Variants in UPK1A observed in about 807,000 individuals in gnomAD.
UPK1A encodes uroplakin 1A, also known as uroplakin-1a.
In UPK1A, 31 loss-of-function variants were observed where a neutral mutation model predicts 32.3. The ratio of observed to expected loss-of-function variants is 0.96; its 90% CI spans 0.72 to 1.30. The LOEUF (loss-of-function observed/expected upper bound fraction) is 1.30, where lower values mean the gene tolerates loss of function less well. Ranked by LOEUF, UPK1A falls within the 50% of genes most tolerant of loss-of-function variation. UPK1A has a pLI of 0.00. For synonymous variants in UPK1A, 135 were observed against 137.1 expected (o/e 0.98, Z 0.11); for missense variants, 340 against 357.4 (o/e 0.95, Z 0.39).
At chr19:35,668,323 G>A (rs745467200) in intron 2 of UPK1A, 131 bp from the exon 3 acceptor site, 6 of 1,088,244 alleles carry the variant, frequency 5.5e-6, no homozygotes, top group African/African-American at 3.1e-5. Flanking sequence ...GCTCATGGAA[G>A]GCGAGGTCTT....
In UPK1A at chr19:35,677,955, T is replaced by C; in HGVS notation, c.733-20T>C. The stretch of plus-strand genomic sequence containing the variant: ...GGGGGTGGGGGGCGGAGTGCCCTCA[T>C]CTCGCTGCCTCCTCGCCAGCTCCCG... On this transcript the variant is annotated intron_variant, in intron 7 of 7. Coordinates refer to ENST00000617999, the Ensembl canonical transcript of UPK1A. The C allele has an allele frequency of 6.3e-7, 1 of 1,590,988 alleles. No homozygotes were observed. Among genetic ancestry groups the C allele is most frequent in the Admixed American group, 1.8e-5 (1 of 56,408 alleles).
exon 8 of UPK1A, chr19:35,678,265 A>C: frequency 2.4e-6 from 1 of 416,386 alleles, no homozygotes; most frequent in Non-Finnish European, 4.3e-6. Context: ...CCATGATCCC[A>C]CCTCCCATTC....
intron 5 of UPK1A, among the ~76,000 whole-genome samples, 200 bp downstream of exon 5, chr19:35,673,745 G>T (rs1968139807): frequency 6.6e-6 from 1 of 152,156 alleles, no homozygotes; most frequent in South Asian, 2.1e-4. Context: ...CTTGCCCGAG[G>T]CCACACAGTC....
chr19:35,667,734 T>A (rs548031167), intron 2 of UPK1A, among the ~76,000 whole-genome samples: 2 of 152,144 alleles, frequency 1.3e-5, no homozygotes, highest in East Asian at 3.9e-4. Context: ...CCTGAGGTGA[T>A]CTGCCCACCT....
chr19:35,668,442 C>T lies in UPK1A; in HGVS notation c.85-12C>T, dbSNP rs200972986. On this transcript the variant is annotated splice_polypyrimidine_tract_variant and intron_variant, in intron 2 of 7. Coordinates refer to ENST00000617999, the Ensembl canonical transcript of UPK1A. ...CCCCGAGCAGACCTTCCTAACCCAC[C>T]GCTCTGTCCAGCTGTCAGGCCTGTC... 59 of 1,613,968 alleles carry T rather than the reference C, an allele frequency of 3.7e-5. No homozygotes were observed. The highest frequency in any genetic ancestry group is 3.6e-4 in the East Asian group (16 of 44,876).
intron 5 of UPK1A, 149 bp from the exon 6 acceptor site, chr19:35,675,691 C>A: frequency 1.2e-6 from 1 of 852,208 alleles, no homozygotes; most frequent in Non-Finnish European, 1.7e-6. Flanking sequence ...AGACACCCAC[C>A]GGACACACTC....
chr19:35,678,123 G>C (rs1207416284), exon 8 of UPK1A: 2 of 1,368,730 alleles, frequency 1.5e-6, no homozygotes, highest in African/African-American at 1.5e-5. Context: ...ACCTCCCAAC[G>C]TCCCTAGCCC....
At chr19:35,674,241 C>CTTTTTTTTTTTTTTTTTT (rs35857173) in intron 5 of UPK1A, among the ~76,000 whole-genome samples, 3 of 98,982 alleles carry the variant, frequency 3.0e-5, no homozygotes, top group African/African-American at 7.9e-5. Context: ...TTCTTTTTAT[C>CTTTTTTTTTTTTTTTTTT]TTTTTTTTTT....
intron 3 of UPK1A, 131 bp from the exon 4 acceptor site, chr19:35,673,101 C>T (rs1968126312): frequency 3.9e-6 from 3 of 762,820 alleles, no homozygotes; most frequent in East Asian, 5.1e-5. Context: ...ACACCCACCA[C>T]ATATTATAGA....
At chr19:35,677,668 G>T in intron 6 of UPK1A, 144 bp from the exon 7 acceptor site, 1 of 1,092,028 alleles carries the variant, frequency 9.2e-7, no homozygotes, top group Non-Finnish European at 1.3e-6. Context: ...CGAGGAGGTG[G>T]ACAGTGCCAT....
intron 2 of UPK1A, among the ~76,000 whole-genome samples, chr19:35,667,544 A>G (rs1968018298): frequency 1.3e-5 from 2 of 151,652 alleles, no homozygotes; most frequent in African/African-American, 4.8e-5. Context: ...CCCAGGCTGA[A>G]GTGCAGTGGC....
rs1599628518 is a variant in UPK1A, at chr19:35,668,200, C to T, written c.85-254C>T. On this transcript the variant is annotated intron_variant, in intron 2 of 7. Transcript: ENST00000617999. ...CTCTGTGCCAGTCCACTGCTCCAGC[C>T]TTTCCACGTGGCATCCCCTTTTATC... 8.9e-6 allele frequency: 5 copies of T among 559,050 alleles called. No homozygotes were observed. In the East Asian group the frequency reaches 1.3e-4, roughly 14 times the overall value. 34.6% of individuals were successfully genotyped at this position (559,050 alleles called of 1,614,324 possible).
At chr19:35,675,808 G>A (rs527677481) in intron 5 of UPK1A, 32 bp from the exon 6 acceptor site, 49 of 1,578,912 alleles carry the variant, frequency 3.1e-5, no homozygotes, top group East Asian at 4.5e-5. Flanking sequence ...CTCTGAGCCC[G>A]AGCCTGCCTG....
intron 3 of UPK1A, among the ~76,000 whole-genome samples, chr19:35,672,483 G>C (rs1044639780): frequency 6.6e-6 from 1 of 152,152 alleles, no homozygotes; most frequent in African/African-American, 2.4e-5. Context: ...GGTCAGGCTG[G>C]TCTTGAACTC....
chr19:35,675,426 C>T (rs1428827076), intron 5 of UPK1A, among the ~76,000 whole-genome samples: 12 of 151,928 alleles, frequency 7.9e-5, no homozygotes, highest in African/African-American at 2.7e-4. Flanking sequence ...GGATTACAGG[C>T]GCCCACCACC....
chr19:35,677,895 G>C (rs371884359), exon 7 of UPK1A: 7 of 1,611,624 alleles, frequency 4.3e-6, no homozygotes, highest in Non-Finnish European at 5.9e-6. Flanking sequence ...TGATGTGGAC[G>C]GTGAGAGGCG....
chr19:35,677,511 G>A lies in UPK1A; in HGVS notation c.649-301G>A, dbSNP rs74804384. Among the ~76,000 whole-genome samples the A allele has an allele frequency of 3.9e-3, 586 of 151,522 alleles. 34 individuals carry two copies. In the East Asian group the frequency reaches 0.1, roughly 27 times the overall value. ...ACTGCACTGTAGCCTGGGTGACAGA[G>A]GGAGACTGCGAGACTGTCTCCAAAA... On this transcript the variant is annotated intron_variant, in intron 6 of 7. Coordinates refer to ENST00000617999, the Ensembl canonical transcript of UPK1A.
In UPK1A at chr19:35,674,241, C is replaced by CTTTTTTT. The variant is rs35857173; in HGVS notation, c.468+713_468+719dup. 2.5e-3 allele frequency among the ~76,000 whole-genome samples: 243 copies of CTTTTTTT among 98,974 alleles called. 1 individual carries two copies. Among genetic ancestry groups the CTTTTTTT allele is most frequent in the Non-Finnish European group, 3.8e-3 (196 of 51,254 alleles). The allele number at this position is 98,974 out of a possible 152,430, so 64.9% of individuals were successfully genotyped here. A position where few individuals can be genotyped will look rare whatever the true frequency, so the allele number is the denominator to read the frequency against. ...AGCACATTTTTTTTTTTCTTTTTATCTTTTTTTTTTTTTTTTTTTTTTTGA... is the reference window on the plus strand; with the variant it reads ...AGCACATTTTTTTTTTTCTTTTTATCTTTTTTTTTTTTTTTTTTTTTTTTTTTTTTGA... On this transcript the variant is annotated intron_variant, in intron 5 of 7. Coordinates refer to ENST00000617999, the Ensembl canonical transcript of UPK1A.
At chr19:35,677,746 T>C in intron 6 of UPK1A, 66 bp from the exon 7 acceptor site, 5 of 1,591,704 alleles carry the variant, frequency 3.1e-6, no homozygotes, top group Non-Finnish European at 4.3e-6. Context: ...GGGCGCACAG[T>C]GACTCTCGCT....
Sources: gnomAD v4.1 joint callset for allele counts (sites outside exome capture counted in the v4.1 genomes callset) on GRCh38, gnomAD v4.1.1 for gene constraint, MANE v1.5 for transcripts, NCBI Gene and HGNC (gene_info 2026-07-23, HGNC 2026-07-21) for gene names.